ABCG5: variants seen among roughly 807,000 people sequenced by gnomAD.
The protein encoded by ABCG5 is ATP-binding cassette sub-family G member 5.
ABCG5 carries 64 observed loss-of-function variants against 64.5 expected under a neutral mutation model. The observed-to-expected ratio is 0.99, with a 90% confidence interval of 0.81 to 1.22. The LOEUF (loss-of-function observed/expected upper bound fraction) is 1.22, where lower values mean the gene tolerates loss of function less well. Ranked by LOEUF, ABCG5 falls within the 50% of genes most tolerant of loss-of-function variation. The probability of loss-of-function intolerance (pLI) is 0.00; values close to 1 mark genes in which losing one functional copy is unlikely to be tolerated. For missense variants in ABCG5, 908 were observed against 829.5 expected (o/e 1.09, Z -1.16); for synonymous variants, 385 against 326.3 (o/e 1.18, Z -1.94).
chr2:43,831,609 G>C (rs978285808), intron 4 of ABCG5, among the ~76,000 whole-genome samples, 160 bp downstream of exon 4: 10 of 152,236 alleles, frequency 6.6e-5, no homozygotes, highest in Non-Finnish European at 1.0e-4. Context: ...CATGTGACTA[G>C]GGGCAGCACA....
downstream of ABCG5, among the ~76,000 whole-genome samples, chr2:43,808,475 C>T (rs149432342): frequency 2.1e-3 from 319 of 152,226 alleles, 1 homozygote; most frequent in African/African-American, 7.3e-3. Context: ...GCAGAGTAAC[C>T]ACGTTTTATT....
chr2:43,831,781 G>C lies in ABCG5; in HGVS notation c.489C>G (p.Ser163=), dbSNP rs775863129. Residue 163 remains serine, a synonymous_variant, in exon 4 of 13, where the codon TCC becomes TCG. Transcript: ENST00000405322. ...LLAIRRGNPG[S]FQKKVEAVMA... ...GGGCTGCACCCACCTTCTTCTGGAA[G>C]GAGCCGGGATTGCCGCGGCGGATGG... is the stretch of plus-strand genomic sequence containing the variant. 1 of 1,583,462 alleles carries C rather than the reference G, an allele frequency of 6.3e-7. No homozygotes were observed. Among genetic ancestry groups the C allele is most frequent in the African/African-American group, 1.3e-5 (1 of 74,754 alleles).
rs545093887 is a variant in ABCG5, at chr2:43,827,850, T to C, written c.634+133A>G. ...TTTCCAAAAAAACTGGGTCCTCAGT[T>C]TGAAAAACCTGTGATTTCAGTTGTA... is the stretch of plus-strand genomic sequence containing the variant. On this transcript the variant is annotated intron_variant, in intron 5 of 12. Transcript: ENST00000405322. 3.8e-5 allele frequency: 54 copies of C among 1,431,716 alleles called. No homozygotes were observed. The African/African-American group carries it at 6.2e-4, about 17-fold the overall frequency. The allele number at this position is 1,431,716 out of a possible 1,614,324, so 88.7% of individuals were successfully genotyped here. A position where few individuals can be genotyped will look rare whatever the true frequency, so the allele number is the denominator to read the frequency against.
the ABCG5 span, among the ~76,000 whole-genome samples, chr2:43,807,098 A>G: frequency 6.6e-6 from 1 of 152,188 alleles, no homozygotes; most frequent in African/African-American, 2.4e-5. Context: ...AAATTTTGAC[A>G]TTCTACTATA....
At chr2:43,809,480 T>A (rs1474109200), downstream of ABCG5, among the ~76,000 whole-genome samples, 1 of 152,198 alleles carries the variant, frequency 6.6e-6, no homozygotes, top group African/African-American at 2.4e-5. Context: ...GTTTAATAAA[T>A]TCATCTCTGA....
chr2:43,819,701 A>G (rs1181825506), intron 11 of ABCG5, among the ~76,000 whole-genome samples: 1 of 152,210 alleles, frequency 6.6e-6, no homozygotes, highest in African/African-American at 2.4e-5. Context: ...TAAACTTGTT[A>G]GTTCCTGATT....
intron 11 of ABCG5, among the ~76,000 whole-genome samples, chr2:43,819,163 T>A (rs1367520815): frequency 1.3e-5 from 2 of 152,198 alleles, no homozygotes; most frequent in Admixed American, 6.5e-5. Flanking sequence ...AGAAACAGCC[T>A]TCATGTTTCC....
At chr2:43,831,745 C>G (rs772060760) in intron 4 of ABCG5, 24 bp downstream of exon 4, 1 of 1,558,060 alleles carries the variant, frequency 6.4e-7, no homozygotes, top group African/African-American at 1.3e-5. Context: ...AGTTTGCCCT[C>G]TGTGAGCGGG....
At chr2:43,833,705 G>T (rs1668089738) in intron 2 of ABCG5, among the ~76,000 whole-genome samples, 1 of 150,428 alleles carries the variant, frequency 6.6e-6, no homozygotes, top group Non-Finnish European at 1.5e-5. Context: ...TATTTATTGA[G>T]ATGGAGTCTC....
Position 43,838,478 on chromosome 2 carries a change from G to T in ABCG5, c.143+59C>A. ...TAAAGAGTGAAGAAAGGCAGCAGAG[G>T]GGTGAGCGCCGGGCCCCGCACTCCT... On this transcript the variant is annotated intron_variant, in intron 1 of 12. Coordinates refer to ENST00000405322, the MANE Select transcript of ABCG5 (RefSeq NM_022436.3). This position sits in a 1 kb window ranked among gnomAD's most constrained non-coding sequence, Gnocchi z 4.2. The T allele has an allele frequency of 4.0e-6, 6 of 1,498,208 alleles. No individual in the cohort carries two copies. Among genetic ancestry groups the T allele is most frequent in the Non-Finnish European group, 5.5e-6 (6 of 1,099,054 alleles). 92.8% of individuals were successfully genotyped at this position (1,498,208 alleles called of 1,614,324 possible).
At chr2:43,811,885 C>T (rs1002486949), downstream of ABCG5, among the ~76,000 whole-genome samples, 6 of 152,162 alleles carry the variant, frequency 3.9e-5, no homozygotes, top group Non-Finnish European at 8.8e-5. Flanking sequence ...TGAGCCACCG[C>T]GCCTGGCCAG....
At chr2:43,809,655 T>C (rs1261205085), downstream of ABCG5, 10 of 1,398,090 alleles carry the variant, frequency 7.2e-6, no homozygotes, top group Non-Finnish European at 9.0e-6. Context: ...GGTGCCTCCT[T>C]GAATTAGTAA....
At chr2:43,832,758 G>A (rs1249342934) in intron 2 of ABCG5, 1 of 153,580 alleles carries the variant, frequency 6.5e-6, no homozygotes, top group Non-Finnish European at 1.4e-5. Flanking sequence ...CAGAGGGGTT[G>A]TGGTGAACTA....
downstream of ABCG5, chr2:43,812,427 C>T (rs1278269675): frequency 2.0e-5 from 3 of 147,572 alleles, no homozygotes; most frequent in African/African-American, 5.0e-5. Context: ...AAATAGCAAA[C>T]GAATCTTTAA....
chr2:43,825,152 TC>T, intron 6 of ABCG5, 134 bp from the exon 7 acceptor site: 1 of 1,081,928 alleles, frequency 9.2e-7, no homozygotes. Context: ...GAAATGCATT[TC>T]CCATAAGCAG....
At chr2:43,817,964 TA>T (rs1223452929) in intron 11 of ABCG5, among the ~76,000 whole-genome samples, 1 of 152,214 alleles carries the variant, frequency 6.6e-6, no homozygotes, top group East Asian at 1.9e-4. Flanking sequence ...CACCAAACAT[TA>T]CAGCTTAGCC....
chr2:43,821,966 C>T (rs1356232251), intron 10 of ABCG5, among the ~76,000 whole-genome samples: 2 of 152,134 alleles, frequency 1.3e-5, no homozygotes, highest in Non-Finnish European at 2.9e-5. Flanking sequence ...CTATCCCTAC[C>T]TTGGTCTACT....
chr2:43,828,398 G>A (rs1031833541), intron 4 of ABCG5: 5 of 463,510 alleles, frequency 1.1e-5, no homozygotes, highest in Middle Eastern at 6.6e-4. Flanking sequence ...TACTTTGGAA[G>A]GCTGAGGAGG....
At chr2:43,821,208 G>A (rs921913913) in intron 10 of ABCG5, among the ~76,000 whole-genome samples, 1 of 152,084 alleles carries the variant, frequency 6.6e-6, no homozygotes, top group Non-Finnish European at 1.5e-5. Context: ...TATCAATGCC[G>A]TTCCTCATTG....
Sources: gnomAD v4.1 joint callset for allele counts (sites outside exome capture counted in the v4.1 genomes callset) on GRCh38, gnomAD v4.1.1 for gene constraint, Gnocchi (gnomAD v3.1) non-coding constraint, MANE v1.5 for transcripts, NCBI Gene and HGNC (gene_info 2026-07-23, HGNC 2026-07-21) for gene names.